SPMIP11: variants seen among roughly 807,000 people sequenced by gnomAD.
SPMIP11 encodes long intergenic non-protein coding RNA 935.
At chr12:48,740,862 G>C in the SPMIP11 span, among the ~76,000 whole-genome samples, 2 of 151,828 alleles carry the variant, frequency 1.3e-5, no homozygotes, top group African/African-American at 4.8e-5. Flanking sequence ...ACTCCAGCCT[G>C]GGTGACAGAG....
At chr12:48,741,577 C>T in the SPMIP11 span, among the ~76,000 whole-genome samples, 4 of 151,772 alleles carry the variant, frequency 2.6e-5, no homozygotes, top group African/African-American at 9.7e-5. Context: ...GTTTTCTTCA[C>T]TGTCAAGTTA....
the SPMIP11 span, among the ~76,000 whole-genome samples, chr12:48,763,918 T>A: frequency 4.2e-4 from 64 of 152,028 alleles, 1 homozygote; most frequent in African/African-American, 1.4e-3. Context: ...CCTCAAGTAA[T>A]CCACCTGCCT....
chr12:48,751,283 A>C, the SPMIP11 span, among the ~76,000 whole-genome samples: 1 of 152,164 alleles, frequency 6.6e-6, no homozygotes, highest in Non-Finnish European at 1.5e-5. Flanking sequence ...AGGCAAATGG[A>C]TGTGGGGAAC....
chr12:48,732,146 C>CA, the SPMIP11 span, among the ~76,000 whole-genome samples: 1,831 of 100,578 alleles, frequency 0.018, 10 homozygotes, highest in South Asian at 0.026. Context: ...AAGATTGTCT[C>CA]AAAAAAAAAA....
chr12:48,733,654 T>C, the SPMIP11 span, among the ~76,000 whole-genome samples: 2 of 151,992 alleles, frequency 1.3e-5, no homozygotes, highest in Non-Finnish European at 2.9e-5. Flanking sequence ...ATATATAGTG[T>C]ATATAGAGTT....
the SPMIP11 span, among the ~76,000 whole-genome samples, chr12:48,733,636 TG>T: frequency 1.3e-5 from 2 of 152,060 alleles, no homozygotes; most frequent in African/African-American, 4.8e-5. Flanking sequence ...TGTTACTGCT[TG>T]GAAAAAATAT....
At chr12:48,728,303 C>G in the SPMIP11 span, among the ~76,000 whole-genome samples, 1 of 152,066 alleles carries the variant, frequency 6.6e-6, no homozygotes, top group Non-Finnish European at 1.5e-5. Context: ...GTACCTGATA[C>G]TATTGGATTT....
At chr12:48,759,484 C>A in the SPMIP11 span, among the ~76,000 whole-genome samples, 1 of 151,938 alleles carries the variant, frequency 6.6e-6, no homozygotes, top group Admixed American at 6.6e-5. Context: ...GTCAGGAGTT[C>A]AAGACCAGCC....
the SPMIP11 span, among the ~76,000 whole-genome samples, chr12:48,758,427 G>A: frequency 1.3e-5 from 2 of 152,130 alleles, no homozygotes; most frequent in African/African-American, 4.8e-5. Flanking sequence ...CGTCACTAGC[G>A]GATAACTTTA....
the SPMIP11 span, among the ~76,000 whole-genome samples, chr12:48,756,465 G>T: frequency 6.6e-6 from 1 of 152,130 alleles, no homozygotes; most frequent in East Asian, 1.9e-4. Flanking sequence ...TGTTAAAAGA[G>T]ATTTAATTGG....
the SPMIP11 span, chr12:48,765,736 G>A: frequency 1.4e-6 from 1 of 698,352 alleles, no homozygotes; most frequent in Non-Finnish European, 2.6e-6. Context: ...AGTTCCGATG[G>A]CTGACTAATG....
chr12:48,744,047 G>A, the SPMIP11 span, among the ~76,000 whole-genome samples: 5 of 149,490 alleles, frequency 3.3e-5, no homozygotes, highest in East Asian at 4.0e-4. Context: ...TTGGGAATTC[G>A]AGACCAGCCT....
the SPMIP11 span, among the ~76,000 whole-genome samples, chr12:48,761,147 C>T: frequency 6.6e-6 from 1 of 151,878 alleles, no homozygotes; most frequent in African/African-American, 2.4e-5. Context: ...ATGGTGAAAT[C>T]CCATCTATAA....
the SPMIP11 span, among the ~76,000 whole-genome samples, chr12:48,743,722 G>A: frequency 6.6e-6 from 1 of 151,838 alleles, no homozygotes; most frequent in African/African-American, 2.4e-5. Context: ...CGGGCGGATC[G>A]CCTGAGGTCA....
At chr12:48,752,083 A>AG in the SPMIP11 span, among the ~76,000 whole-genome samples, 1 of 150,934 alleles carries the variant, frequency 6.6e-6, no homozygotes, top group Non-Finnish European at 1.5e-5. Flanking sequence ...AAAAAAACAA[A>AG]CAAACAAAAA....
chr12:48,770,727 A>T, the SPMIP11 span: 2 of 1,592,928 alleles, frequency 1.3e-6, no homozygotes, highest in Non-Finnish European at 1.7e-6. Context: ...ACCTGGAAAA[A>T]GTCCTGGGAA....
chr12:48,738,203 T>C, the SPMIP11 span, among the ~76,000 whole-genome samples: 1 of 152,244 alleles, frequency 6.6e-6, no homozygotes, highest in Non-Finnish European at 1.5e-5. Flanking sequence ...CAACCTTGTG[T>C]TATTTAGCTA....
At chr12:48,752,272 C>T in the SPMIP11 span, among the ~76,000 whole-genome samples, 2 of 152,170 alleles carry the variant, frequency 1.3e-5, no homozygotes, top group African/African-American at 4.8e-5. Flanking sequence ...TCAAGACATA[C>T]TTGCCAGGAT....
chr12:48,741,394 A>G, the SPMIP11 span, among the ~76,000 whole-genome samples: 2 of 152,156 alleles, frequency 1.3e-5, no homozygotes, highest in Non-Finnish European at 2.9e-5. Context: ...CATTGTGTAG[A>G]ATATTCCATA....
Sources: allele counts gnomAD v4.1 joint callset (sites outside exome capture counted in the v4.1 genomes callset), GRCh38; gene constraint gnomAD v4.1.1; transcripts MANE v1.5; gene names NCBI Gene and HGNC (gene_info 2026-07-23, HGNC 2026-07-21).